The following TSPAN32 variants were observed in gnomAD, a reference collection of about 807,000 sequenced individuals.
TSPAN32 encodes tetraspanin 32.
TSPAN32 carries 47 observed loss-of-function variants against 42.7 expected under a neutral mutation model. The ratio of observed to expected loss-of-function variants is 1.10; its 90% CI spans 0.87 to 1.40. The LOEUF (loss-of-function observed/expected upper bound fraction) is 1.40, where lower values mean the gene tolerates loss of function less well. TSPAN32 is among the 40% of genes most tolerant of loss of function. TSPAN32 has a pLI of 0.00. For synonymous variants in TSPAN32, 175 were observed against 175.9 expected, an observed-to-expected ratio of 0.99 and a Z score of 0.04; for missense variants, 469 against 424.1, an observed-to-expected ratio of 1.11 and a Z score of -0.93.
At position 2,304,264 on chromosome 11, in the gene TSPAN32, G is replaced by A. The variant is rs1433077065; in HGVS notation, c.279+60G>A. On this transcript the variant is annotated intron_variant, in intron 3 of 9. Transcript: ENST00000182290. The surrounding 1 kb of genome is among the most constrained non-coding windows in gnomAD (Gnocchi z 4.8). ...CAGAAAAGAATTAGAAAGGAGTGAAGAGCTGGCAGGGCTGTGTGCCACCCC... is the reference window on the plus strand; with the variant it reads ...CAGAAAAGAATTAGAAAGGAGTGAAAAGCTGGCAGGGCTGTGTGCCACCCC... The A allele has an allele frequency of 4.0e-5, 51 of 1,269,216 alleles. No individual in the cohort carries two copies. Among genetic ancestry groups the A allele is most frequent in the Middle Eastern group, 2.0e-4 (1 of 5,036 alleles). The allele number at this position is 1,269,216 out of a possible 1,614,324, so 78.6% of individuals were successfully genotyped here. A position where few individuals can be genotyped will look rare whatever the true frequency, so the allele number is the denominator to read the frequency against.
intron 3 of TSPAN32, among the ~76,000 whole-genome samples, chr11:2,305,641 C>T (rs1238163516): frequency 1.3e-5 from 2 of 152,236 alleles, no homozygotes; most frequent in East Asian, 3.8e-4. Flanking sequence ...CTAGCACCCT[C>T]ATCTGTGGCC....
chr11:2,309,557 C>T (rs1848344580), intron 4 of TSPAN32: 6 of 353,530 alleles, frequency 1.7e-5, no homozygotes, highest in South Asian at 1.2e-4. Flanking sequence ...CAGCCACGGG[C>T]AGGGTCATGG....
intron 3 of TSPAN32, among the ~76,000 whole-genome samples, chr11:2,308,247 T>A (rs550804238): frequency 1.4e-4 from 21 of 152,158 alleles, no homozygotes; most frequent in African/African-American, 4.8e-4. Flanking sequence ...GCCCACGCTC[T>A]CCCCAGGCCA....
intron 3 of TSPAN32, chr11:2,306,941 GAGGAGA>G (rs1848146722): frequency 1.8e-5 from 1 of 55,642 alleles, no homozygotes; most frequent in Non-Finnish European, 4.5e-5. Flanking sequence ...GAGGGGGAAG[GAGGAGA>G]AGGAGGAGGG....
intron 4 of TSPAN32, among the ~76,000 whole-genome samples, chr11:2,311,481 G>A (rs1042137633): frequency 1.3e-5 from 2 of 152,172 alleles, no homozygotes; most frequent in Non-Finnish European, 2.9e-5. Flanking sequence ...GTACAGCAGT[G>A]TGGGGTGCAG....
chr11:2,315,116 G>A, intron 6 of TSPAN32: 1 of 539,706 alleles, frequency 1.9e-6, no homozygotes, highest in South Asian at 2.4e-5. Context: ...AGGGCCCTGG[G>A]AGAGACTGGG....
intron 7 of TSPAN32, 44 bp from the exon 8 acceptor site, chr11:2,316,532 C>T (rs772630308): frequency 1.1e-5 from 18 of 1,609,446 alleles, no homozygotes; most frequent in African/African-American, 9.4e-5. Context: ...GAGGGGCGCC[C>T]GCACCCTGGG....
At position 2,316,558 on chromosome 11, in the gene TSPAN32, C is replaced by T. The variant is rs761479593; in HGVS notation, c.628-18C>T. On this transcript the variant is annotated intron_variant, in intron 7 of 9. Coordinates refer to ENST00000182290, the MANE Select transcript of TSPAN32 (RefSeq NM_139022.3). ...GCACCCTGGGGCAGTGGGGCAGCCG[C>T]GGGTGTCTCCCTCCCAGGTGTCCGC... 4.2e-5 allele frequency: 67 copies of T among 1,600,436 alleles called. No homozygotes were observed. The Admixed American group carries it at 8.3e-4, about 20-fold the overall frequency.
intron 4 of TSPAN32, among the ~76,000 whole-genome samples, chr11:2,311,045 C>A (rs971119741): frequency 6.6e-6 from 1 of 152,246 alleles, no homozygotes; most frequent in Admixed American, 6.5e-5. Context: ...GAGGTGAGAG[C>A]CGGGGGCCCA....
At chr11:2,312,750 C>T (rs931713831) in intron 4 of TSPAN32, among the ~76,000 whole-genome samples, 2 of 152,208 alleles carry the variant, frequency 1.3e-5, no homozygotes, top group African/African-American at 4.8e-5. Context: ...CATCCTCCCC[C>T]AGCCCTTTGG....
Position 2,316,680 on chromosome 11 carries a change from G to T in TSPAN32, c.719+13G>T, listed in dbSNP as rs1436763716. 1.3e-6 allele frequency: 2 copies of T among 1,519,860 alleles called. No individual in the cohort carries two copies. 94.1% of individuals were successfully genotyped at this position (1,519,860 alleles called of 1,614,324 possible). On this transcript the variant is annotated intron_variant, in intron 8 of 9. Transcript: ENST00000182290. ...CCCTGACCCCACGGTAGGGCCCCCT[G>T]CCTGCCCCCACACCCTCTGGAAGGG... is the stretch of plus-strand genomic sequence containing the variant.
Position 2,304,140 on chromosome 11 carries a change from T to A in TSPAN32, c.215T>A (p.Leu72Gln). 6.3e-7 allele frequency: 1 copy of A among 1,588,870 alleles called. No individual in the cohort carries two copies. Among genetic ancestry groups the A allele is most frequent in the East Asian group, 2.3e-5 (1 of 43,684 alleles). ...FSAGLSLVGL[L>Q]TLGAVLSAAA... ...GCGGGGTTGAGCCTGGTGGGCCTCC[T>A]GACTCTGGGAGCCGTGCTGAGCGCT... Residue 72 changes from leucine (L) to glutamine (Q), a missense_variant, in exon 3 of 10, where the codon CTG (leucine) becomes CAG (glutamine). By Grantham distance (113) the Leu-to-Gln change is moderately radical. Coordinates refer to ENST00000182290, the MANE Select transcript of TSPAN32 (RefSeq NM_139022.3). This position sits in a 1 kb window ranked among gnomAD's most constrained non-coding sequence, Gnocchi z 4.8.
At chr11:2,310,952 G>C (rs2133339974) in intron 4 of TSPAN32, among the ~76,000 whole-genome samples, 1 of 152,282 alleles carries the variant, frequency 6.6e-6, no homozygotes, top group Middle Eastern at 3.4e-3. Context: ...TTCAACCTTG[G>C]GCTCCCTGTC....
intron 6 of TSPAN32, chr11:2,315,646 G>T: frequency 8.4e-7 from 1 of 1,187,926 alleles, no homozygotes; most frequent in Non-Finnish European, 1.1e-6. Flanking sequence ...GAGACCCTGC[G>T]GAGGCCTCCA....
At chr11:2,303,966 G>A in intron 2 of TSPAN32, 141 bp from the exon 3 acceptor site, 1 of 627,182 alleles carries the variant, frequency 1.6e-6, no homozygotes, top group South Asian at 1.9e-5. Flanking sequence ...AGGGCCGTCT[G>A]ATGGAGAGAC....
chr11:2,316,894 G>A (rs1848832691), intron 8 of TSPAN32, among the ~76,000 whole-genome samples: 1 of 152,098 alleles, frequency 6.6e-6, no homozygotes, highest in Non-Finnish European at 1.5e-5. Context: ...ACCCCCCTTT[G>A]CTTACCCCCA....
Position 2,315,425 on chromosome 11 carries a change from C to T in TSPAN32, c.544-804C>T. The stretch of plus-strand genomic sequence containing the variant: ...CTAACAGTCAGGACCCCTGTGCCAC[C>T]CAAGGAGAGACTGAAAAGGCCCCCG... On this transcript the variant is annotated intron_variant, in intron 6 of 9. Coordinates refer to ENST00000182290, the MANE Select transcript of TSPAN32 (RefSeq NM_139022.3). 7.0e-6 allele frequency: 8 copies of T among 1,135,638 alleles called. No individual in the cohort carries two copies. In the South Asian group the frequency reaches 1.6e-4, roughly 22 times the overall value. The allele number at this position is 1,135,638 out of a possible 1,614,324, so 70.3% of individuals were successfully genotyped here.
intron 6 of TSPAN32, chr11:2,315,729 C>T: frequency 2.5e-6 from 3 of 1,220,422 alleles, no homozygotes; most frequent in Admixed American, 2.9e-5. Flanking sequence ...GAAAAGATGC[C>T]TCTGGGTGCC....
At chr11:2,302,280 G>A in intron 1 of TSPAN32, 65 bp downstream of exon 1, 5 of 1,325,360 alleles carry the variant, frequency 3.8e-6, no homozygotes, top group Non-Finnish European at 4.9e-6. Flanking sequence ...GGGTGGCAGG[G>A]CCTCAGCACA....
Sources: gnomAD v4.1 joint callset for allele counts (sites outside exome capture counted in the v4.1 genomes callset) on GRCh38, gnomAD v4.1.1 for gene constraint, Gnocchi (gnomAD v3.1) non-coding constraint, MANE v1.5 for transcripts, NCBI Gene and HGNC (gene_info 2026-07-23, HGNC 2026-07-21) for gene names.